TNFSF4: variants seen among roughly 807,000 people sequenced by gnomAD.
The protein encoded by TNFSF4 is TNF superfamily member 4, also known as tumor necrosis factor ligand superfamily member 4.
A neutral mutation model predicts 7.3 loss-of-function variants in TNFSF4; 4 were observed. That is an observed-to-expected ratio of 0.55 (90% CI 0.27 to 1.25). The LOEUF is 1.25. Among genes scored for constraint, TNFSF4 ranks in the 50% most tolerant of loss-of-function variants. The pLI, the probability that TNFSF4 is intolerant of heterozygous loss-of-function variation, is 0.12. For synonymous variants in TNFSF4, 76 were observed against 83.7 expected, an observed-to-expected ratio of 0.91 and a Z score of 0.50; for missense variants, 181 against 208.8, an observed-to-expected ratio of 0.87 and a Z score of 0.82.
At chr1:173,280,415 T>G in the TNFSF4 span, among the ~76,000 whole-genome samples, 1 of 152,104 alleles carries the variant, frequency 6.6e-6, no homozygotes, top group Non-Finnish European at 1.5e-5. Context: ...TGGCAGATGG[T>G]AGAGATTCAA....
At chr1:173,313,428 T>G in the TNFSF4 span, among the ~76,000 whole-genome samples, 1 of 152,138 alleles carries the variant, frequency 6.6e-6, no homozygotes, top group Non-Finnish European at 1.5e-5. Context: ...GCTTGAGAAC[T>G]CTTTTGGAAT....
chr1:173,436,072 A>C, the TNFSF4 span, among the ~76,000 whole-genome samples: 8 of 152,236 alleles, frequency 5.3e-5, no homozygotes, highest in African/African-American at 1.9e-4. Flanking sequence ...AGAGAAGAAC[A>C]TCTATTTCCA....
At chr1:173,441,356 T>C in the TNFSF4 span, among the ~76,000 whole-genome samples, 6 of 152,002 alleles carry the variant, frequency 3.9e-5, no homozygotes, top group Admixed American at 3.3e-4. Flanking sequence ...TTACCATTGC[T>C]CAAGCCCTAT....
At chr1:173,312,037 GTTTATATGCTACTTT>G in the TNFSF4 span, among the ~76,000 whole-genome samples, 1 of 152,022 alleles carries the variant, frequency 6.6e-6, no homozygotes, top group Non-Finnish European at 1.5e-5. Context: ...CTTGATTCTG[GTTTATATGCTACTTT>G]TGTGACGTGT....
chr1:173,424,739 G>T, the TNFSF4 span, among the ~76,000 whole-genome samples: 1 of 152,238 alleles, frequency 6.6e-6, no homozygotes, highest in Admixed American at 6.5e-5. Context: ...AATGGAAAAT[G>T]AAGTTGCAAA....
chr1:173,322,426 T>C, the TNFSF4 span, among the ~76,000 whole-genome samples: 1 of 152,040 alleles, frequency 6.6e-6, no homozygotes, highest in East Asian at 1.9e-4. Context: ...GATGGCCGAA[T>C]AGGAACAGCT....
the TNFSF4 span, among the ~76,000 whole-genome samples, chr1:173,290,565 A>G: frequency 6.6e-6 from 1 of 152,222 alleles, no homozygotes; most frequent in Admixed American, 6.5e-5. Flanking sequence ...ATATGCACCC[A>G]ACATTCACAC....
the TNFSF4 span, among the ~76,000 whole-genome samples, chr1:173,337,313 C>G: frequency 2.0e-5 from 3 of 152,240 alleles, no homozygotes; most frequent in South Asian, 6.2e-4. Context: ...TCTAAGATCC[C>G]CATCATGAAT....
At chr1:173,355,635 G>C in the TNFSF4 span, among the ~76,000 whole-genome samples, 2 of 152,194 alleles carry the variant, frequency 1.3e-5, no homozygotes, top group African/African-American at 4.8e-5. Flanking sequence ...CCACAGGTGA[G>C]AAAGTGAAAG....
At chr1:173,262,847 G>A in the TNFSF4 span, among the ~76,000 whole-genome samples, 4 of 152,198 alleles carry the variant, frequency 2.6e-5, no homozygotes, top group Non-Finnish European at 4.4e-5. Flanking sequence ...TGATCCGCCC[G>A]TCTCGGCCTC....
chr1:173,320,314 G>A, the TNFSF4 span, among the ~76,000 whole-genome samples: 1 of 152,112 alleles, frequency 6.6e-6, no homozygotes, highest in Admixed American at 6.5e-5. Context: ...AATAAACTAG[G>A]TATTGATGAA....
the TNFSF4 span, among the ~76,000 whole-genome samples, chr1:173,399,119 A>G: frequency 6.6e-6 from 1 of 152,158 alleles, no homozygotes; most frequent in African/African-American, 2.4e-5. Context: ...GCACTCCATC[A>G]TCAGACGGGG....
chr1:173,198,141 T>C (rs979472647), intron 1 of TNFSF4, among the ~76,000 whole-genome samples: 5 of 152,220 alleles, frequency 3.3e-5, no homozygotes, highest in Non-Finnish European at 7.3e-5. Context: ...ATTTGCTATA[T>C]AACAAGGAGG....
the TNFSF4 span, among the ~76,000 whole-genome samples, chr1:173,315,111 C>T: frequency 6.6e-6 from 1 of 151,940 alleles, no homozygotes; most frequent in South Asian, 2.1e-4. Flanking sequence ...TTTTGTTTTC[C>T]ATTTTTTACG....
At chr1:173,314,194 C>T in the TNFSF4 span, among the ~76,000 whole-genome samples, 3 of 152,210 alleles carry the variant, frequency 2.0e-5, no homozygotes, top group East Asian at 5.8e-4. Context: ...TCACAAACCT[C>T]TAATTGAATT....
At chr1:173,389,528 C>T in the TNFSF4 span, among the ~76,000 whole-genome samples, 1 of 152,102 alleles carries the variant, frequency 6.6e-6, no homozygotes, top group African/African-American at 2.4e-5. Context: ...AGGGCCTCCA[C>T]ATACACATAT....
the TNFSF4 span, among the ~76,000 whole-genome samples, chr1:173,304,383 C>T: frequency 1.3e-5 from 2 of 151,830 alleles, no homozygotes; most frequent in Non-Finnish European, 2.9e-5. Flanking sequence ...CATGGATGCA[C>T]TTCTTAACTG....
At chr1:173,400,832 G>T in the TNFSF4 span, among the ~76,000 whole-genome samples, 4 of 152,240 alleles carry the variant, frequency 2.6e-5, no homozygotes, top group African/African-American at 9.6e-5. Flanking sequence ...ATGAAGTTGG[G>T]GTCACTTCAC....
At chr1:173,208,385 A>G (rs1445411916), upstream of TNFSF4, among the ~76,000 whole-genome samples, 1 of 152,202 alleles carries the variant, frequency 6.6e-6, no homozygotes, top group Non-Finnish European at 1.5e-5. Context: ...GAAAGGAGGG[A>G]GAAATATTTT....
Sources: allele counts gnomAD v4.1 joint callset (sites outside exome capture counted in the v4.1 genomes callset), GRCh38; gene constraint gnomAD v4.1.1; transcripts MANE v1.5; gene names NCBI Gene and HGNC (gene_info 2026-07-23, HGNC 2026-07-21).